PSG3: variants seen among roughly 807,000 people sequenced by gnomAD.
PSG3 encodes the protein pregnancy specific beta-1-glycoprotein 3, also known as pregnancy-specific beta-1-glycoprotein 3.
In PSG3, 61 loss-of-function variants were observed where a neutral mutation model predicts 47.5. That is an observed-to-expected ratio of 1.28 (90% CI 1.05 to 1.59). The LOEUF is 1.59. Among genes scored for constraint, PSG3 ranks in the 40% most tolerant of loss-of-function variants. The probability of loss-of-function intolerance (pLI) is 0.00; values close to 1 mark genes in which losing one functional copy is unlikely to be tolerated. For missense variants in PSG3, 756 were observed against 524.0 expected, an observed-to-expected ratio of 1.44 and a Z score of -4.32; for synonymous variants, 263 against 198.4, an observed-to-expected ratio of 1.33 and a Z score of -2.74.
At chr19:42,722,273 C>T (rs575341212) in intron 6 of PSG3, among the ~76,000 whole-genome samples, 183 bp from the exon 7 acceptor site, 23 of 151,994 alleles carry the variant, frequency 1.5e-4, no homozygotes, top group East Asian at 3.9e-4. Flanking sequence ...TTTTTTGAGA[C>T]GGAGTCTCAC....
intron 2 of PSG3, among the ~76,000 whole-genome samples, chr19:42,736,613 TG>T (rs1969567470): frequency 4.9e-3 from 3 of 612 alleles, no homozygotes; most frequent in East Asian, 0.077. Context: ...TCAATACATT[TG>T]TGTGTGTGTG....
At chr19:42,729,714 C>G in intron 4 of PSG3, 64 bp downstream of exon 4, 18 of 1,576,648 alleles carry the variant, frequency 1.1e-5, no homozygotes, top group Non-Finnish European at 1.5e-5. Context: ...AGTGAGAGGC[C>G]TGGCCTCTGG....
chr19:42,731,521 A>G (rs565026000), intron 3 of PSG3, among the ~76,000 whole-genome samples: 3 of 152,142 alleles, frequency 2.0e-5, no homozygotes, highest in Non-Finnish European at 4.4e-5. Flanking sequence ...GATGTGAGAA[A>G]GGCTGATTGC....
At chr19:42,726,838 GA>G (rs1969385807) in intron 5 of PSG3, among the ~76,000 whole-genome samples, 1 of 152,174 alleles carries the variant, frequency 6.6e-6, no homozygotes, top group Admixed American at 6.5e-5. Context: ...CAGCTTTGAA[GA>G]GGAAGAATGA....
intron 2 of PSG3, among the ~76,000 whole-genome samples, chr19:42,737,429 C>G (rs1033449048): frequency 2.6e-5 from 4 of 152,136 alleles, no homozygotes; most frequent in Admixed American, 6.5e-5. Flanking sequence ...GGAAAGAAAA[C>G]AAGGTCCTCT....
chr19:42,728,680 C>T (rs1368029578), intron 5 of PSG3, among the ~76,000 whole-genome samples: 2 of 152,210 alleles, frequency 1.3e-5, no homozygotes, highest in Admixed American at 6.5e-5. Flanking sequence ...CCTCCCTCAC[C>T]CAAGGGGCTT....
intron 6 of PSG3, among the ~76,000 whole-genome samples, chr19:42,723,555 C>T (rs1015916513): frequency 7.9e-5 from 12 of 152,038 alleles, no homozygotes; most frequent in African/African-American, 2.9e-4. Context: ...CAGTCATATG[C>T]AAGGAAGATT....
chr19:42,732,857 T>C lies in PSG3; in HGVS notation c.636A>G (p.Ala212=). 2 of 1,614,170 alleles carry C rather than the reference T, an allele frequency of 1.2e-6. No homozygotes were observed. The highest frequency in any genetic ancestry group is 1.3e-5 in the African/African-American group (1 of 75,052). ...TCCGTATTTCACATTCATAGGGTCC[T>C]GCAGTGTACTTTGTGACACCAAATA... is the stretch of plus-strand genomic sequence containing the variant. The part of the protein sequence containing the change: ...LFLFGVTKYT[A]GPYECEIRNP... Residue 212 remains alanine (A), a synonymous_variant, in exon 3 of 7, where the codon GCA becomes GCG. Coordinates refer to ENST00000327495, the MANE Select transcript of PSG3 (RefSeq NM_021016.4).
Position 42,732,852 on chromosome 19 carries a change from G to T in PSG3, c.641C>A (p.Pro214His). Residue 214 changes from proline to histidine, a missense_variant, in exon 3 of 7, where the codon CCC becomes CAC. By Grantham distance (77) the Pro-to-His change is moderately conservative. Transcript: ENST00000327495. The stretch of plus-strand genomic sequence containing the variant: ...TGGGTTCCGTATTTCACATTCATAG[G>T]GTCCTGCAGTGTACTTTGTGACACC... ...LFGVTKYTAG[P>H]YECEIRNPVS... is the part of the protein sequence containing the mutation. 5.0e-6 allele frequency: 8 copies of T among 1,614,122 alleles called. No homozygotes were observed. The highest frequency in any genetic ancestry group is 6.8e-6 in the Non-Finnish European group (8 of 1,180,000).
At chr19:42,739,996 A>G (rs1009344751) in intron 1 of PSG3, among the ~76,000 whole-genome samples, 4 of 148,864 alleles carry the variant, frequency 2.7e-5, no homozygotes, top group Non-Finnish European at 5.9e-5. Context: ...ACTGTCGCCC[A>G]GGCTGGCGTG....
intron 5 of PSG3, among the ~76,000 whole-genome samples, chr19:42,727,507 G>C (rs1969396520): frequency 6.6e-6 from 1 of 152,196 alleles, no homozygotes; most frequent in African/African-American, 2.4e-5. Flanking sequence ...CCCATGCAAA[G>C]TTCCTCAGCA....
chr19:42,726,492 C>A (rs1969379873), intron 5 of PSG3, among the ~76,000 whole-genome samples: 1 of 151,866 alleles, frequency 6.6e-6, no homozygotes, highest in African/African-American at 2.4e-5. Context: ...AATACACTAA[C>A]CATGAACAAT....
chr19:42,729,958 T>G lies in PSG3; in HGVS notation c.808A>C (p.Thr270Pro). 6.2e-7 allele frequency: 1 copy of G among 1,612,130 alleles called. No individual in the cohort carries two copies. Among genetic ancestry groups the G allele is most frequent in the Non-Finnish European group, 8.5e-7 (1 of 1,179,862 alleles). Residue 270 changes from threonine (T) to proline (P), a missense_variant, in exon 4 of 7, where the codon ACC becomes CCC. Thr to Pro is a conservative substitution (Grantham distance 38). Transcript: ENST00000327495. ...FTCEPKSENY[T>P]YIWWLNGQSL... ...TGACCATTTAGCCACCAAATGTAGG[T>G]GTAGTTCTCACTCTTAGGTTCACAG...
intron 3 of PSG3, among the ~76,000 whole-genome samples, chr19:42,730,329 G>T (rs1006580653): frequency 2.0e-5 from 3 of 152,142 alleles, no homozygotes; most frequent in Non-Finnish European, 2.9e-5. Context: ...GGGAGTCACA[G>T]CCCCTGGTAC....
chr19:42,732,843 C>T lies in PSG3; in HGVS notation c.650G>A (p.Cys217Tyr). Residue 217 changes from cysteine (C) to tyrosine (Y), a missense_variant, in exon 3 of 7, where the codon TGT (cysteine) becomes TAT (tyrosine). Transcript: ENST00000327495. Reference protein sequence around the residue: ...VTKYTAGPYECEIRNPVSASR... With the variant: ...VTKYTAGPYEYEIRNPVSASR... The stretch of plus-strand genomic sequence containing the variant: ...GGCACTCACTGGGTTCCGTATTTCA[C>T]ATTCATAGGGTCCTGCAGTGTACTT... The T allele has an allele frequency of 1.2e-6, 2 of 1,614,198 alleles. No homozygotes were observed. The highest frequency in any genetic ancestry group is 1.1e-5 in the South Asian group (1 of 91,078).
intron 5 of PSG3, 98 bp from the exon 6 acceptor site, chr19:42,724,123 G>A (rs1969338473): frequency 6.8e-7 from 1 of 1,470,232 alleles, no homozygotes; most frequent in Non-Finnish European, 9.3e-7. Context: ...CTCTATAATT[G>A]TTTCTTCAAG....
At chr19:42,724,245 C>G (rs2122158896) in intron 5 of PSG3, among the ~76,000 whole-genome samples, 1 of 152,284 alleles carries the variant, frequency 6.6e-6, no homozygotes, top group South Asian at 2.1e-4. Flanking sequence ...CAATTCTCTA[C>G]TGTGCTCAGA....
rs141810038 is a variant in PSG3, at chr19:42,729,245, A to G, written c.1121T>C (p.Leu374Pro). The G allele has an allele frequency of 6.8e-6, 11 of 1,614,058 alleles. No homozygotes were observed. The highest frequency in any genetic ancestry group is 9.3e-6 in the Non-Finnish European group (11 of 1,179,922). ...GGGGATAAAGAGCTTTTGTCCTGAT[A>G]GCTGAAACTTCCCATTAATTGTCCA... ...YSWTINGKFQ[L>P]SGQKLFIPQI... Residue 374 changes from leucine to proline, a missense_variant, in exon 5 of 7, where the codon CTA becomes CCA. Transcript: ENST00000327495.
intron 6 of PSG3, among the ~76,000 whole-genome samples, 189 bp from the exon 7 acceptor site, chr19:42,722,279 C>G (rs1159610765): frequency 6.6e-6 from 1 of 152,012 alleles, no homozygotes; most frequent in Non-Finnish European, 1.5e-5. Flanking sequence ...GAGACGGAGT[C>G]TCACTCTGTC....
Sources: allele counts gnomAD v4.1 joint callset (sites outside exome capture counted in the v4.1 genomes callset), GRCh38; gene constraint gnomAD v4.1.1; transcripts MANE v1.5; gene names NCBI Gene and HGNC (gene_info 2026-07-23, HGNC 2026-07-21).